TMEFF1: variants seen among roughly 807,000 people sequenced by gnomAD.
The protein encoded by TMEFF1 is tomoregulin-1.
TMEFF1 carries 20 observed loss-of-function variants against 47.5 expected under a neutral mutation model. The ratio of observed to expected loss-of-function variants is 0.42; its 90% CI spans 0.30 to 0.61. The LOEUF is 0.61. Among genes scored for constraint, TMEFF1 ranks in the 20% least tolerant of loss-of-function variants. The pLI, the probability that TMEFF1 is intolerant of heterozygous loss-of-function variation, is 0.19. For missense variants in TMEFF1, 411 were observed against 471.1 expected (o/e 0.87, Z 1.18); for synonymous variants, 162 against 166.3 (o/e 0.97, Z 0.20).
chr9:100,555,660 G>A (rs1276211047), intron 7 of TMEFF1, among the ~76,000 whole-genome samples: 3 of 152,124 alleles, frequency 2.0e-5, no homozygotes, highest in African/African-American at 7.2e-5. Flanking sequence ...CATTATCAGT[G>A]TTATTATGGT....
chr9:100,552,709 C>A (rs1213046355), intron 7 of TMEFF1, among the ~76,000 whole-genome samples: 1 of 151,940 alleles, frequency 6.6e-6, no homozygotes, highest in Non-Finnish European at 1.5e-5. Flanking sequence ...TGTCTCTAAA[C>A]AAAATTAACC....
intron 5 of TMEFF1, among the ~76,000 whole-genome samples, chr9:100,538,583 A>C (rs1838564379): frequency 6.6e-6 from 1 of 152,092 alleles, no homozygotes; most frequent in Admixed American, 6.5e-5. Context: ...TCCTTTCTTT[A>C]TATTTTATCA....
intron 5 of TMEFF1, among the ~76,000 whole-genome samples, chr9:100,527,466 A>G (rs2118428825): frequency 6.6e-6 from 1 of 152,340 alleles, no homozygotes; most frequent in African/African-American, 2.4e-5. Context: ...TCCGAGTCAA[A>G]GAAAGGGGTG....
At chr9:100,527,579 C>T (rs932507925) in intron 5 of TMEFF1, among the ~76,000 whole-genome samples, 11 of 152,174 alleles carry the variant, frequency 7.2e-5, no homozygotes, top group Admixed American at 4.6e-4. Flanking sequence ...GCACCTGGCT[C>T]GGGGGGTCCT....
rs60569330 is a variant in TMEFF1, at chr9:100,519,647, CTTTTTT to C, written c.560+2900_560+2905del. On this transcript the variant is annotated intron_variant, in intron 5 of 9. Coordinates refer to ENST00000374879, the MANE Select transcript of TMEFF1 (RefSeq NM_003692.5). ...TACTTTGAGGACTGCTGCCCAGTGA[CTTTTTT>C]TTTTTTTTTTTTTTTTTTTTTTTAA... is the stretch of plus-strand genomic sequence containing the variant. Among the ~76,000 whole-genome samples, 18 of 65,166 alleles carry C rather than the reference CTTTTTT, an allele frequency of 2.8e-4. No homozygotes were observed. In the East Asian group the frequency reaches 5.5e-3, roughly 20 times the overall value. 42.8% of individuals were successfully genotyped at this position (65,166 alleles called of 152,430 possible).
chr9:100,476,681 A>G (rs1174228932), intron 1 of TMEFF1, among the ~76,000 whole-genome samples: 1 of 141,408 alleles, frequency 7.1e-6, no homozygotes, highest in Admixed American at 7.1e-5. Flanking sequence ...GTGTGAGCCA[A>G]TGTGCCTGGC....
At chr9:100,478,474 C>T (rs559338308) in intron 1 of TMEFF1, among the ~76,000 whole-genome samples, 13 of 152,118 alleles carry the variant, frequency 8.5e-5, no homozygotes, top group African/African-American at 2.2e-4. Flanking sequence ...CCACCACACT[C>T]GGCTAATTTT....
At chr9:100,515,767 G>A (rs1225162990) in intron 4 of TMEFF1, among the ~76,000 whole-genome samples, 6 of 151,682 alleles carry the variant, frequency 4.0e-5, no homozygotes, top group Non-Finnish European at 7.4e-5. Flanking sequence ...CTGAGATTGC[G>A]CCACTGCATT....
intron 5 of TMEFF1, among the ~76,000 whole-genome samples, chr9:100,533,967 T>G (rs1334743795): frequency 6.6e-6 from 1 of 152,198 alleles, no homozygotes; most frequent in Admixed American, 6.5e-5. Context: ...TCCACCCACC[T>G]CGACCTTCTA....
chr9:100,537,243 GT>G (rs1838531778), intron 5 of TMEFF1, among the ~76,000 whole-genome samples: 1 of 152,160 alleles, frequency 6.6e-6, no homozygotes, highest in African/African-American at 2.4e-5. Flanking sequence ...AACAGTTAAG[GT>G]AATAGCTTCT....
chr9:100,535,851 C>T (rs1838493540), intron 5 of TMEFF1, among the ~76,000 whole-genome samples: 1 of 152,192 alleles, frequency 6.6e-6, no homozygotes, highest in South Asian at 2.1e-4. Context: ...ATTTTCTCTT[C>T]TCCTTTGCCT....
intron 5 of TMEFF1, among the ~76,000 whole-genome samples, chr9:100,526,243 A>C (rs1838251147): frequency 2.6e-5 from 4 of 151,996 alleles, no homozygotes; most frequent in African/African-American, 9.7e-5. Context: ...TTCTCTCTTG[A>C]AGCATGTAGA....
chr9:100,506,150 T>C (rs1311427158), intron 2 of TMEFF1, among the ~76,000 whole-genome samples: 1 of 152,228 alleles, frequency 6.6e-6, no homozygotes, highest in African/African-American at 2.4e-5. Context: ...GTGCTTGACC[T>C]GTGGTAGCAT....
At chr9:100,561,551 C>A in intron 8 of TMEFF1, 31 bp downstream of exon 8, 1 of 1,588,334 alleles carries the variant, frequency 6.3e-7, no homozygotes, top group African/African-American at 1.4e-5. Context: ...CAGTGGTGAG[C>A]ATTTTTTTTC....
intron 1 of TMEFF1, among the ~76,000 whole-genome samples, chr9:100,492,032 C>T (rs554416708): frequency 1.2e-4 from 18 of 152,034 alleles, no homozygotes; most frequent in Admixed American, 7.9e-4. Context: ...ATTACAGGCT[C>T]GTGCCACCAC....
chr9:100,535,954 TTATTA>T (rs764414651), intron 5 of TMEFF1, among the ~76,000 whole-genome samples: 107 of 152,362 alleles, frequency 7.0e-4, no homozygotes, highest in Non-Finnish European at 1.1e-3. Flanking sequence ...AATATTGTTT[TTATTA>T]TATTACTCCT....
chr9:100,530,371 C>A (rs2118445684), intron 5 of TMEFF1, among the ~76,000 whole-genome samples: 1 of 152,074 alleles, frequency 6.6e-6, no homozygotes, highest in South Asian at 2.1e-4. Context: ...AGAGAAGAAT[C>A]AAATAGACGC....
At chr9:100,500,896 TTG>T (rs1298973756) in intron 2 of TMEFF1, among the ~76,000 whole-genome samples, 1 of 152,230 alleles carries the variant, frequency 6.6e-6, no homozygotes, top group Non-Finnish European at 1.5e-5. Flanking sequence ...TCTGCCTTAC[TTG>T]TGGTGGGCAG....
chr9:100,548,050 GT>G (rs970902064), intron 6 of TMEFF1, among the ~76,000 whole-genome samples, 158 bp downstream of exon 6: 3 of 151,152 alleles, frequency 2.0e-5, no homozygotes, highest in Non-Finnish European at 4.4e-5. Context: ...TACTAATTTA[GT>G]TTTTTTTCAT....
Sources: allele counts gnomAD v4.1 joint callset (sites outside exome capture counted in the v4.1 genomes callset), GRCh38; gene constraint gnomAD v4.1.1; transcripts MANE v1.5; gene names NCBI Gene and HGNC (gene_info 2026-07-23, HGNC 2026-07-21).